The following DIAPH2 variants were observed in gnomAD, a reference collection of about 807,000 sequenced individuals.
DIAPH2 encodes the protein protein diaphanous homolog 2.
In DIAPH2, 35 loss-of-function variants were observed where a neutral mutation model predicts 92.7. The ratio of observed to expected loss-of-function variants is 0.38; its 90% CI spans 0.29 to 0.50. The LOEUF (loss-of-function observed/expected upper bound fraction) is 0.50, where lower values mean the gene tolerates loss of function less well. Ranked by LOEUF, DIAPH2 falls within the 20% of genes least tolerant of loss-of-function variation. DIAPH2 has a pLI of 0.94. For synonymous variants in DIAPH2, 301 were observed against 280.4 expected (o/e 1.07, Z -0.73); for missense variants, 701 against 819.5 (o/e 0.86, Z 1.77).
rs771404551 is a variant in DIAPH2, at chrX:96,697,050, A to C, written c.132+11860A>C. The stretch of plus-strand genomic sequence containing the variant: ...GGAACTCTGAGCTTGGGGGTTTGCT[A>C]CTTTTATAGCATTAAGAAGTCAGCT... On this transcript the variant is annotated intron_variant, in intron 1 of 26. Transcript: ENST00000324765. Among the ~76,000 whole-genome samples, 279 of 110,390 alleles carry C rather than the reference A, an allele frequency of 2.5e-3. 2 individuals are homozygous for C. The highest frequency in any genetic ancestry group is 8.7e-3 in the African/African-American group (265 of 30,349).
At chrX:97,500,793 T>G (rs926347050) in intron 26 of DIAPH2, among the ~76,000 whole-genome samples, 6 of 91,759 alleles carry the variant, frequency 6.5e-5, no homozygotes, top group Non-Finnish European at 1.2e-4. Context: ...TATATATATA[T>G]ATATATATAT....
At chrX:96,904,122 AG>A (rs1455613214) in intron 5 of DIAPH2, among the ~76,000 whole-genome samples, 7 of 112,033 alleles carry the variant, frequency 6.2e-5, no homozygotes, top group Non-Finnish European at 1.3e-4. Flanking sequence ...GAATAAACGC[AG>A]CCAGAGAGAA....
At chrX:97,322,576 A>G (rs1298408903) in intron 23 of DIAPH2, among the ~76,000 whole-genome samples, 1 of 111,675 alleles carries the variant, frequency 9.0e-6, no homozygotes, top group Non-Finnish European at 1.9e-5. Flanking sequence ...ATACACAAAG[A>G]AAACACCAGA....
chrX:96,766,253 G>C (rs2064303350), intron 4 of DIAPH2, among the ~76,000 whole-genome samples: 1 of 108,627 alleles, frequency 9.2e-6, no homozygotes, highest in Non-Finnish European at 1.9e-5. Flanking sequence ...ATTTCCCAGA[G>C]TGTTTTGAAA....
At chrX:96,695,344 C>T (rs765144163) in intron 1 of DIAPH2, among the ~76,000 whole-genome samples, 1 of 112,441 alleles carries the variant, frequency 8.9e-6, no homozygotes, top group African/African-American at 3.2e-5. Flanking sequence ...TAGATTTTCA[C>T]GTGTTTGTTT....
chrX:97,091,452 T>C lies in DIAPH2; in HGVS notation c.2248-8242T>C, dbSNP rs761693390. Among the ~76,000 whole-genome samples, 28 of 110,174 alleles carry C rather than the reference T, an allele frequency of 2.5e-4. 1 individual carries two copies. Among genetic ancestry groups the C allele is most frequent in the African/African-American group, 8.6e-4 (26 of 30,305 alleles). ...CCATGACCAGCAAATTTTTAAAAGC[T>C]ATTTTAGCGATGGGGGTCTTGCTGT... On this transcript the variant is annotated intron_variant, in intron 19 of 26. Transcript: ENST00000324765.
At chrX:97,535,491 G>A (rs1273597875) in intron 26 of DIAPH2, among the ~76,000 whole-genome samples, 4 of 111,134 alleles carry the variant, frequency 3.6e-5, no homozygotes, top group African/African-American at 9.8e-5. Flanking sequence ...TCACTCTATC[G>A]CCCAGGTTGG....
intron 4 of DIAPH2, among the ~76,000 whole-genome samples, chrX:96,867,733 C>T (rs1399055568): frequency 9.0e-6 from 1 of 110,997 alleles, no homozygotes; most frequent in Non-Finnish European, 1.9e-5. Flanking sequence ...AATGAAATCC[C>T]CCAAAATCAA....
chrX:97,097,639 T>C (rs894765608), intron 19 of DIAPH2, among the ~76,000 whole-genome samples: 4 of 111,963 alleles, frequency 3.6e-5, no homozygotes, highest in African/African-American at 1.3e-4. Flanking sequence ...AAAATTGAGG[T>C]GGAGATTTTT....
intron 25 of DIAPH2, among the ~76,000 whole-genome samples, chrX:97,395,303 C>G (rs2069694523): frequency 9.0e-6 from 1 of 111,349 alleles, no homozygotes; most frequent in African/African-American, 3.3e-5. Context: ...CTTTGTACAA[C>G]TCTCCTCGCA....
chrX:97,378,790 A>G (rs1276812515), intron 24 of DIAPH2, among the ~76,000 whole-genome samples: 1 of 111,963 alleles, frequency 8.9e-6, no homozygotes, highest in Admixed American at 9.5e-5. Context: ...TTTAGTGTAT[A>G]AAAAGATTTG....
chrX:97,466,388 TA>T (rs1354929909), intron 26 of DIAPH2, among the ~76,000 whole-genome samples: 1 of 111,911 alleles, frequency 8.9e-6, no homozygotes, highest in Non-Finnish European at 1.9e-5. Context: ...TAAAAAAGTA[TA>T]CAAGATACAA....
chrX:97,360,034 A>T (rs765743095), intron 24 of DIAPH2, among the ~76,000 whole-genome samples: 19 of 112,010 alleles, frequency 1.7e-4, no homozygotes, highest in Non-Finnish European at 2.4e-4. Flanking sequence ...TGAAAAGCTA[A>T]TCATCCATTC....
intron 25 of DIAPH2, among the ~76,000 whole-genome samples, chrX:97,398,003 G>A (rs1460844251): frequency 8.9e-6 from 1 of 112,154 alleles, no homozygotes; most frequent in Non-Finnish European, 1.9e-5. Flanking sequence ...CTTGAAAAGG[G>A]GATTTCTCTC....
intron 22 of DIAPH2, among the ~76,000 whole-genome samples, chrX:97,168,219 G>A (rs1253491795): frequency 9.2e-6 from 1 of 108,835 alleles, no homozygotes; most frequent in Non-Finnish European, 1.9e-5. Context: ...CGCTGTAGCT[G>A]GGATTACAGG....
chrX:96,826,099 C>T (rs944165755), intron 4 of DIAPH2, among the ~76,000 whole-genome samples: 1 of 111,171 alleles, frequency 9.0e-6, no homozygotes, highest in African/African-American at 3.3e-5. Context: ...ATCCAAGTCC[C>T]CCTAACACAA....
intron 1 of DIAPH2, among the ~76,000 whole-genome samples, chrX:96,733,225 C>T (rs2064066404): frequency 8.9e-6 from 1 of 111,815 alleles, no homozygotes; most frequent in Non-Finnish European, 1.9e-5. Flanking sequence ...AAATTATAGA[C>T]TATGTTAGAA....
intron 24 of DIAPH2, among the ~76,000 whole-genome samples, chrX:97,362,205 C>T (rs2069332251): frequency 9.2e-6 from 1 of 108,550 alleles, no homozygotes; most frequent in South Asian, 4.2e-4. Context: ...GGTACCACTG[C>T]CCTCCAGTCT....
chrX:96,801,498 T>G (rs747827170), intron 4 of DIAPH2, among the ~76,000 whole-genome samples: 21 of 111,411 alleles, frequency 1.9e-4, no homozygotes, highest in Non-Finnish European at 3.2e-4. Flanking sequence ...TTTAAAAATG[T>G]GAGAGAGGGT....
Sources: allele counts gnomAD v4.1 joint callset (sites outside exome capture counted in the v4.1 genomes callset), GRCh38; gene constraint gnomAD v4.1.1; transcripts MANE v1.5; gene names NCBI Gene and HGNC (gene_info 2026-07-23, HGNC 2026-07-21).